CREBL2: variants seen among roughly 807,000 people sequenced by gnomAD.
The protein encoded by CREBL2 is cAMP-responsive element-binding protein-like 2.
CREBL2 carries 4 observed loss-of-function variants against 19.5 expected under a neutral mutation model. That is an observed-to-expected ratio of 0.20 (90% CI 0.10 to 0.47). The LOEUF (loss-of-function observed/expected upper bound fraction) is 0.47. CREBL2 is among the 20% of genes least tolerant of loss of function. The pLI is 0.98. For synonymous variants in CREBL2, 42 were observed against 46.6 expected (o/e 0.90, Z 0.40); for missense variants, 85 against 145.1 (o/e 0.59, Z 2.13).
At chr12:12,621,523 C>CAAAAAAAAAAAA (rs61201510) in intron 1 of CREBL2, among the ~76,000 whole-genome samples, 1 of 64,888 alleles carries the variant, frequency 1.5e-5, no homozygotes. Flanking sequence ...CGTCTCAAAC[C>CAAAAAAAAAAAA]AAAAAAAAAA....
chr12:12,639,805 AG>A (rs1945503969), intron 3 of CREBL2, among the ~76,000 whole-genome samples: 1 of 151,348 alleles, frequency 6.6e-6, no homozygotes, highest in Non-Finnish European at 1.5e-5. Flanking sequence ...ACATATCGGT[AG>A]GACCGTGATG....
In CREBL2 at chr12:12,642,128, T is replaced by C. The variant is rs1157031708; in HGVS notation, c.*130T>C. 5.5e-6 allele frequency: 3 copies of C among 545,742 alleles called. No individual in the cohort carries two copies. The highest frequency in any genetic ancestry group is 9.4e-6 in the Non-Finnish European group (3 of 320,370). The allele number at this position is 545,742 out of a possible 1,614,324, so 33.8% of individuals were successfully genotyped here. On this transcript the variant is annotated 3_prime_UTR_variant, in exon 4 of 4. Coordinates refer to ENST00000228865, the MANE Select transcript of CREBL2 (RefSeq NM_001310.4). The stretch of plus-strand genomic sequence containing the variant: ...AGTAGTCATCTCTGTAAATCTGCAA[T>C]TTCTACCAAAATGTGTGATCGTAGA...
At position 12,642,053 on chromosome 12, in the gene CREBL2, G is replaced by A. The variant is rs75440439; in HGVS notation, c.*55G>A. ...AGCCAATATTCTGATTCCCATGGAA[G>A]ATGGATGGGCAAGAGTGTACTTCTT... On this transcript the variant is annotated 3_prime_UTR_variant, in exon 4 of 4. Coordinates refer to ENST00000228865, the MANE Select transcript of CREBL2 (RefSeq NM_001310.4). 7.4e-3 allele frequency: 10,525 copies of A among 1,420,740 alleles called. 65 individuals are homozygous for A. Among genetic ancestry groups the A allele is most frequent in the South Asian group, 0.011 (925 of 82,700 alleles). The allele number at this position is 1,420,740 out of a possible 1,614,324, so 88.0% of individuals were successfully genotyped here. A position where few individuals can be genotyped will look rare whatever the true frequency, so the allele number is the denominator to read the frequency against.
At chr12:12,613,725 C>G (rs540934484) in intron 1 of CREBL2, among the ~76,000 whole-genome samples, 5 of 152,244 alleles carry the variant, frequency 3.3e-5, no homozygotes, top group African/African-American at 9.6e-5. Flanking sequence ...TTAATATGCT[C>G]AGTACACACA....
At chr12:12,637,906 G>A (rs1945488396) in intron 3 of CREBL2, among the ~76,000 whole-genome samples, 192 bp downstream of exon 3, 1 of 151,924 alleles carries the variant, frequency 6.6e-6, no homozygotes, top group Admixed American at 6.6e-5. Context: ...GCTGGGCATG[G>A]GGGTGCATGC....
chr12:12,639,956 CGTGCTTTTG>C (rs1945505266), intron 3 of CREBL2, among the ~76,000 whole-genome samples: 1 of 152,242 alleles, frequency 6.6e-6, no homozygotes. Context: ...ACAAAGATCA[CGTGCTTTTG>C]AGGGAACAGG....
At chr12:12,620,217 G>A (rs1045370501) in intron 1 of CREBL2, among the ~76,000 whole-genome samples, 1 of 148,432 alleles carries the variant, frequency 6.7e-6, no homozygotes, top group Non-Finnish European at 1.5e-5. Flanking sequence ...ACATTAATGT[G>A]CTTGCTTTCT....
chr12:12,626,177 C>T (rs915603376), intron 1 of CREBL2, among the ~76,000 whole-genome samples: 9 of 150,452 alleles, frequency 6.0e-5, no homozygotes, highest in Non-Finnish European at 1.3e-4. Flanking sequence ...TGGAGGCTTC[C>T]TCATTTTAAG....
intron 3 of CREBL2, 63 bp downstream of exon 3, chr12:12,637,777 A>G: frequency 6.7e-7 from 1 of 1,502,442 alleles, no homozygotes; most frequent in South Asian, 1.3e-5. Context: ...GCAGTGGCTC[A>G]TGACTGTAAT....
At position 12,637,684 on chromosome 12, in the gene CREBL2, G is replaced by T; in HGVS notation, c.328G>T (p.Ala110Ser). ...GCAGAACTCAAGCAGGCATACCAAG[G>T]CTGGGAAGACAGATGCTAATAGCAA... is the stretch of plus-strand genomic sequence containing the variant. ...SQQNSSRHTK[A>S]GKTDANSNSW Residue 110 changes from alanine to serine, a missense_variant, in exon 3 of 4, where the codon GCT (alanine) becomes TCT (serine). Physicochemically the swap from Ala to Ser is moderately conservative, Grantham distance 99 (BLOSUM62 1). Transcript: ENST00000228865. 1 of 1,613,020 alleles carries T rather than the reference G, an allele frequency of 6.2e-7. No homozygotes were observed. Among genetic ancestry groups the T allele is most frequent in the Non-Finnish European group, 8.5e-7 (1 of 1,179,532 alleles).
At chr12:12,639,125 A>G (rs948130754) in intron 3 of CREBL2, among the ~76,000 whole-genome samples, 1 of 152,180 alleles carries the variant, frequency 6.6e-6, no homozygotes, top group Non-Finnish European at 1.5e-5. Flanking sequence ...TTCGAGGTTC[A>G]TCCACATTGT....
chr12:12,627,927 C>G (rs1945414834), intron 1 of CREBL2, among the ~76,000 whole-genome samples: 1 of 152,154 alleles, frequency 6.6e-6, no homozygotes, highest in Non-Finnish European at 1.5e-5. Context: ...ACTTTGTTGC[C>G]AGGATGGAGT....
At chr12:12,639,742 G>A (rs1270933874) in intron 3 of CREBL2, among the ~76,000 whole-genome samples, 1 of 152,160 alleles carries the variant, frequency 6.6e-6, no homozygotes, top group Admixed American at 6.5e-5. Flanking sequence ...GAGAAATAAA[G>A]AGAGACAGTA....
intron 1 of CREBL2, among the ~76,000 whole-genome samples, chr12:12,634,361 A>C (rs1441395871): frequency 6.6e-6 from 1 of 152,254 alleles, no homozygotes; most frequent in Non-Finnish European, 1.5e-5. Flanking sequence ...GTGCCTAGGC[A>C]GGTAATTGAG....
intron 1 of CREBL2, among the ~76,000 whole-genome samples, chr12:12,625,682 G>A (rs1278611671): frequency 6.6e-6 from 1 of 152,094 alleles, no homozygotes; most frequent in Non-Finnish European, 1.5e-5. Context: ...CTAAAATCTT[G>A]TCATCTATGA....
intron 1 of CREBL2, chr12:12,614,857 G>GT (rs34663387): frequency 0.034 from 5,784 of 168,670 alleles, 6 homozygotes; most frequent in South Asian, 0.064. Flanking sequence ...TAGGGCATTA[G>GT]TTTTTTTTTT....
chr12:12,625,407 G>A (rs529637038), intron 1 of CREBL2, among the ~76,000 whole-genome samples: 2 of 152,268 alleles, frequency 1.3e-5, no homozygotes, highest in African/African-American at 4.8e-5. Flanking sequence ...AAGTTTGTTA[G>A]TTAACCTCCT....
intron 1 of CREBL2, among the ~76,000 whole-genome samples, chr12:12,620,007 C>CAAA (rs1254052523): frequency 6.6e-6 from 1 of 152,028 alleles, no homozygotes; most frequent in African/African-American, 2.4e-5. Context: ...TTTAATTTGG[C>CAAA]AAAAAAATCT....
Position 12,642,067 on chromosome 12 carries a change from A to C in CREBL2, c.*69A>C, listed in dbSNP as rs1222433636. On this transcript the variant is annotated 3_prime_UTR_variant, in exon 4 of 4. Coordinates refer to ENST00000228865, the MANE Select transcript of CREBL2 (RefSeq NM_001310.4). Reference sequence around the variant, plus strand: ...TTCCCATGGAAGATGGATGGGCAAGAGTGTACTTCTTGGCTCCATTTACTA... The same window carrying C: ...TTCCCATGGAAGATGGATGGGCAAGCGTGTACTTCTTGGCTCCATTTACTA... The C allele has an allele frequency of 5.5e-6, 7 of 1,283,348 alleles. No individual in the cohort carries two copies. The highest frequency in any genetic ancestry group is 7.7e-6 in the Non-Finnish European group (7 of 904,278). The allele number at this position is 1,283,348 out of a possible 1,614,324, so 79.5% of individuals were successfully genotyped here. A position where few individuals can be genotyped will look rare whatever the true frequency, so the allele number is the denominator to read the frequency against.
Sources: gnomAD v4.1 joint callset for allele counts (sites outside exome capture counted in the v4.1 genomes callset) on GRCh38, gnomAD v4.1.1 for gene constraint, MANE v1.5 for transcripts, NCBI Gene and HGNC (gene_info 2026-07-23, HGNC 2026-07-21) for gene names.